Variants in PUDP observed in about 807,000 individuals in gnomAD.
PUDP encodes the protein pseudouridine 5'-phosphatase, also known as pseudouridine-5'-phosphatase.
In PUDP, 8 loss-of-function variants were observed where a neutral mutation model predicts 9.4. That is an observed-to-expected ratio of 0.85 (90% CI 0.50 to 1.53). PUDP has a LOEUF of 1.53. PUDP is among the 40% of genes most tolerant of loss of function. The pLI, the probability that PUDP is intolerant of heterozygous loss-of-function variation, is 0.00. For synonymous variants in PUDP, 99 were observed against 80.7 expected (o/e 1.23, Z -1.22); for missense variants, 188 against 189.7 (o/e 0.99, Z 0.05).
At chrX:6,847,413 T>C (rs1292862742) in intron 3 of PUDP, among the ~76,000 whole-genome samples, 1 of 112,315 alleles carries the variant, frequency 8.9e-6, no homozygotes, top group Non-Finnish European at 1.9e-5. Flanking sequence ...CAATACAGTT[T>C]GGACAAAGAG....
intron 1 of PUDP, among the ~76,000 whole-genome samples, chrX:7,110,804 A>C (rs1036213152): frequency 1.8e-5 from 2 of 110,934 alleles, no homozygotes; most frequent in Non-Finnish European, 3.8e-5. Flanking sequence ...TCTGAGACTC[A>C]TTGTCCAGGA....
At chrX:7,052,731 C>T (rs1385597749) in intron 3 of PUDP, among the ~76,000 whole-genome samples, 1 of 111,732 alleles carries the variant, frequency 8.9e-6, no homozygotes, top group Non-Finnish European at 1.9e-5. Flanking sequence ...ACTTGGTTGG[C>T]CCAGCTGTTT....
intron 3 of PUDP, among the ~76,000 whole-genome samples, chrX:6,934,739 T>C (rs1210392252): frequency 3.4e-5 from 3 of 88,539 alleles, no homozygotes; most frequent in Non-Finnish European, 4.4e-5. Context: ...AGGAAACCCA[T>C]CTCACGTGCA....
At chrX:6,736,466 T>C (rs1602602410) in intron 3 of PUDP, among the ~76,000 whole-genome samples, 1 of 112,121 alleles carries the variant, frequency 8.9e-6, no homozygotes, top group East Asian at 2.8e-4. Flanking sequence ...AATATAATCA[T>C]GTGTATCCTT....
At position 6,987,764 on chromosome X, in the gene PUDP, G is replaced by C. The variant is rs772812940; in HGVS notation, c.205-9421C>G. On this transcript the variant is annotated intron_variant and NMD_transcript_variant, in intron 1 of 3. Transcript: ENST00000655425. ...CAGATACCATATGGCCCAAAAAGTG[G>C]AATATATTTACTACCTGGCTTTTAC... 1.6e-3 allele frequency among the ~76,000 whole-genome samples: 183 copies of C among 112,193 alleles called. 1 individual carries two copies. The highest frequency in any genetic ancestry group is 5.9e-3 in the African/African-American group (183 of 30,900).
chrX:6,737,518 G>A (rs769465493), intron 3 of PUDP, among the ~76,000 whole-genome samples: 58 of 108,379 alleles, frequency 5.4e-4, no homozygotes, highest in African/African-American at 1.9e-3. Context: ...TTTGCAGTGA[G>A]AGTGAGCAGC....
At chrX:6,805,394 C>T (rs915667733) in intron 3 of PUDP, among the ~76,000 whole-genome samples, 1 of 111,558 alleles carries the variant, frequency 9.0e-6, no homozygotes, top group Admixed American at 9.6e-5. Flanking sequence ...AGACAGTCCG[C>T]TTGAGGGTCC....
intron 3 of PUDP, among the ~76,000 whole-genome samples, chrX:6,786,952 T>C (rs1049597997): frequency 9.0e-6 from 1 of 111,414 alleles, no homozygotes; most frequent in Admixed American, 9.6e-5. Context: ...CTTCGATCCT[T>C]CATGTTCAGT....
At chrX:6,719,408 T>C (rs1924635898) in intron 1 of PUDP, among the ~76,000 whole-genome samples, 1 of 111,962 alleles carries the variant, frequency 8.9e-6, no homozygotes, top group South Asian at 3.7e-4. Flanking sequence ...AACATATGAA[T>C]TTTGGGGAAA....
intron 2 of PUDP, among the ~76,000 whole-genome samples, chrX:7,083,255 G>C (rs1366340246): frequency 1.8e-5 from 2 of 112,126 alleles, no homozygotes; most frequent in African/African-American, 6.5e-5. Flanking sequence ...ATGTGAATGA[G>C]CAGAACAGAC....
At chrX:6,900,331 G>T (rs868231976) in intron 3 of PUDP, among the ~76,000 whole-genome samples, 1 of 106,803 alleles carries the variant, frequency 9.4e-6, no homozygotes, top group Non-Finnish European at 1.9e-5. Context: ...CCACTTGGGG[G>T]GGGGGGCGCT....
At chrX:7,101,995 G>A (rs1194439092) in intron 2 of PUDP, among the ~76,000 whole-genome samples, 1 of 110,830 alleles carries the variant, frequency 9.0e-6, no homozygotes, top group Non-Finnish European at 1.9e-5. Context: ...TTGAGAAGGG[G>A]GAAAAAATGA....
intron 1 of PUDP, among the ~76,000 whole-genome samples, chrX:7,023,004 T>C (rs7471558): frequency 0.37 from 40,549 of 109,613 alleles, 5,554 homozygotes; most frequent in Non-Finnish European, 0.41. Context: ...ATAGAGAAAA[T>C]AGTGCATGGT....
intron 3 of PUDP, among the ~76,000 whole-genome samples, chrX:6,733,445 C>G (rs1924835035): frequency 9.0e-6 from 1 of 111,536 alleles, no homozygotes; most frequent in Non-Finnish European, 1.9e-5. Flanking sequence ...CGCCTCAGAA[C>G]CTCATGGGGA....
intron 1 of PUDP, among the ~76,000 whole-genome samples, chrX:6,707,564 G>A (rs899704788): frequency 2.7e-5 from 3 of 111,594 alleles, no homozygotes; most frequent in Non-Finnish European, 3.8e-5. Flanking sequence ...CTCATAAGGA[G>A]CACACAACCT....
At chrX:7,032,170 A>G (rs1929800608) in intron 1 of PUDP, among the ~76,000 whole-genome samples, 1 of 112,657 alleles carries the variant, frequency 8.9e-6, no homozygotes, top group African/African-American at 3.2e-5. Flanking sequence ...ATTATTAGTT[A>G]TCAAGGAAAT....
At chrX:7,076,758 C>A (rs956172465) in intron 3 of PUDP, among the ~76,000 whole-genome samples, 1 of 112,088 alleles carries the variant, frequency 8.9e-6, no homozygotes, top group Non-Finnish European at 1.9e-5. Context: ...CCCAGCGTCA[C>A]TACACAAGCA....
intron 3 of PUDP, among the ~76,000 whole-genome samples, chrX:6,918,266 T>A (rs4128257): frequency 0.058 from 6,424 of 111,566 alleles, 298 homozygotes; most frequent in African/African-American, 0.16. Flanking sequence ...ATTAGAAATA[T>A]TGTGATCCTT....
intron 1 of PUDP, among the ~76,000 whole-genome samples, chrX:7,034,164 A>G (rs1317038991): frequency 8.9e-6 from 1 of 112,128 alleles, no homozygotes; most frequent in Non-Finnish European, 1.9e-5. Context: ...GATTTGGAAT[A>G]AAGGGTATGG....
Sources: gnomAD v4.1 joint callset for allele counts (sites outside exome capture counted in the v4.1 genomes callset) on GRCh38, gnomAD v4.1.1 for gene constraint, MANE v1.5 for transcripts, NCBI Gene and HGNC (gene_info 2026-07-23, HGNC 2026-07-21) for gene names.